The following ERBB4 variants were observed in gnomAD, a reference collection of about 807,000 sequenced individuals.
The protein encoded by ERBB4 is erb-b2 receptor tyrosine kinase 4.
ERBB4 carries 42 observed loss-of-function variants against 158.0 expected under a neutral mutation model. That is an observed-to-expected ratio of 0.27 (90% CI 0.21 to 0.34). The LOEUF (loss-of-function observed/expected upper bound fraction) is 0.34. ERBB4 is among the 10% of genes least tolerant of loss of function. The probability of loss-of-function intolerance (pLI) is 1.00; values close to 1 mark genes in which losing one functional copy is unlikely to be tolerated. For missense variants in ERBB4, 1,333 were observed against 1,624.1 expected (o/e 0.82, Z 3.08); for synonymous variants, 583 against 558.7 (o/e 1.04, Z -0.61).
In ERBB4 at chr2:212,530,433, C is replaced by A. The variant is rs990291143; in HGVS notation, c.82+8016G>T. Among the ~76,000 whole-genome samples, 5 of 152,106 alleles carry A rather than the reference C, an allele frequency of 3.3e-5. No homozygotes were observed. The East Asian group carries it at 9.6e-4, about 29-fold the overall frequency. On this transcript the variant is annotated intron_variant, in intron 1 of 27. Transcript: ENST00000342788. ...CATATTCTCACATTCTTTAAGCCTA[C>A]AGAGAAGGACAGGAAATAATGACAA...
chr2:211,559,459 T>C (rs2125715732), intron 20 of ERBB4, among the ~76,000 whole-genome samples: 1 of 152,362 alleles, frequency 6.6e-6, no homozygotes, highest in Middle Eastern at 3.4e-3. Context: ...GTGCCTGTTG[T>C]CCTGGCATAA....
chr2:212,085,663 G>C (rs1390343593), intron 2 of ERBB4, among the ~76,000 whole-genome samples: 3 of 151,846 alleles, frequency 2.0e-5, no homozygotes, highest in Non-Finnish European at 4.4e-5. Flanking sequence ...GAAACTTTGA[G>C]AGTTGAGACT....
At chr2:212,330,486 G>A (rs182629555) in intron 1 of ERBB4, among the ~76,000 whole-genome samples, 22 of 151,924 alleles carry the variant, frequency 1.4e-4, no homozygotes, top group South Asian at 4.1e-4. Context: ...GCATGGTGGC[G>A]GGTGCTTGTA....
At chr2:211,711,694 A>G (rs1163243681) in intron 9 of ERBB4, among the ~76,000 whole-genome samples, 2 of 152,218 alleles carry the variant, frequency 1.3e-5, no homozygotes, top group Non-Finnish European at 2.9e-5. Flanking sequence ...CTAATCCATT[A>G]GAAGTTTGAA....
At position 211,642,819 on chromosome 2, in the gene ERBB4, CTA is replaced by C. The variant is rs199694160; in HGVS notation, c.1947-12227_1947-12226del. ...TATCCAACAACAATCTCAGAGCTCC[CTA>C]TATGTTTTTAAACTTAACAAAAGCA... On this transcript the variant is annotated intron_variant, in intron 16 of 27. Transcript: ENST00000342788. Among the ~76,000 whole-genome samples the C allele has an allele frequency of 3.1e-3, 468 of 152,096 alleles. 3 individuals carry two copies. The highest frequency in any genetic ancestry group is 0.017 in the South Asian group (83 of 4,806).
chr2:212,513,225 A>G (rs929337071), intron 1 of ERBB4, among the ~76,000 whole-genome samples: 4 of 152,212 alleles, frequency 2.6e-5, no homozygotes, highest in Admixed American at 1.3e-4. Flanking sequence ...GGAAGTAGCC[A>G]CGCAATAAGT....
chr2:212,006,893 C>T (rs1176786353), intron 2 of ERBB4, among the ~76,000 whole-genome samples: 2 of 151,920 alleles, frequency 1.3e-5, no homozygotes, highest in Non-Finnish European at 2.9e-5. Context: ...TTTAACTTCA[C>T]TGAGATTGGG....
intron 1 of ERBB4, among the ~76,000 whole-genome samples, chr2:212,327,912 C>T (rs1292674302): frequency 2.6e-5 from 4 of 151,048 alleles, no homozygotes; most frequent in Non-Finnish European, 5.9e-5. Flanking sequence ...ACTCTTTCTG[C>T]TTTAATCACC....
intron 3 of ERBB4, among the ~76,000 whole-genome samples, chr2:211,825,413 GA>G (rs2077080466): frequency 6.6e-6 from 1 of 151,718 alleles, no homozygotes; most frequent in African/African-American, 2.4e-5. Flanking sequence ...ATAGCAAAAT[GA>G]ATTCAAGCTT....
chr2:212,029,496 T>G (rs2076851876), intron 2 of ERBB4, among the ~76,000 whole-genome samples: 1 of 152,178 alleles, frequency 6.6e-6, no homozygotes, highest in Admixed American at 6.6e-5. Flanking sequence ...GCTTGATATC[T>G]GTGTATGTTT....
chr2:211,954,941 GTA>G (rs1381931282), intron 2 of ERBB4, among the ~76,000 whole-genome samples: 1 of 152,020 alleles, frequency 6.6e-6, no homozygotes, highest in Admixed American at 6.6e-5. Context: ...TGTAGAGATA[GTA>G]TGTTTGCTTT....
intron 1 of ERBB4, among the ~76,000 whole-genome samples, chr2:212,206,303 G>A (rs1574431604): frequency 6.6e-6 from 1 of 152,184 alleles, no homozygotes; most frequent in Non-Finnish European, 1.5e-5. Context: ...ACTAGAATCA[G>A]GTTATCTGGG....
chr2:211,973,491 G>T (rs141039165), intron 2 of ERBB4, among the ~76,000 whole-genome samples: 1 of 152,060 alleles, frequency 6.6e-6, no homozygotes, highest in South Asian at 2.1e-4. Flanking sequence ...ATGAGCCACC[G>T]TGCCCAGCCG....
intron 1 of ERBB4, among the ~76,000 whole-genome samples, chr2:212,333,382 T>TAC (rs71908233): frequency 1.3e-5 from 2 of 151,134 alleles, no homozygotes; most frequent in Admixed American, 1.3e-4. Flanking sequence ...GCTTTAAATA[T>TAC]ATATATATAT....
At chr2:211,816,186 T>G (rs150192340) in intron 3 of ERBB4, among the ~76,000 whole-genome samples, 2 of 152,250 alleles carry the variant, frequency 1.3e-5, no homozygotes, top group African/African-American at 4.8e-5. Flanking sequence ...CTTAATACAG[T>G]GTACAATGCT....
chr2:212,336,036 T>C (rs1283951063), intron 1 of ERBB4, among the ~76,000 whole-genome samples: 1 of 152,020 alleles, frequency 6.6e-6, no homozygotes, highest in African/African-American at 2.4e-5. Context: ...GTATGTAGCA[T>C]TTCTCACACT....
At chr2:211,493,578 C>CAAAAACA (rs553900148) in intron 20 of ERBB4, among the ~76,000 whole-genome samples, 8 of 149,662 alleles carry the variant, frequency 5.3e-5, no homozygotes, top group Non-Finnish European at 1.2e-4. Context: ...AAAACAAAAA[C>CAAAAACA]AAAAAAAAAC....
chr2:211,516,687 T>C (rs966596724), intron 20 of ERBB4, among the ~76,000 whole-genome samples: 4 of 152,090 alleles, frequency 2.6e-5, no homozygotes, highest in African/African-American at 9.7e-5. Flanking sequence ...CTAAGAGGAA[T>C]TGAAACTAAA....
At position 211,383,592 on chromosome 2, in the gene ERBB4, C is replaced by A. The variant is rs2125307420; in HGVS notation, c.*23G>T. Reference sequence around the variant, plus strand: ...GGAAATTGGAGCAGGTGTGTCTCTCCACCTAAAAAACCACAACTGAGCTTA... The same window carrying A: ...GGAAATTGGAGCAGGTGTGTCTCTCAACCTAAAAAACCACAACTGAGCTTA... On this transcript the variant is annotated 3_prime_UTR_variant, in exon 28 of 28. Coordinates refer to ENST00000342788, the MANE Select transcript of ERBB4 (RefSeq NM_005235.3). 1 of 1,603,060 alleles carries A rather than the reference C, an allele frequency of 6.2e-7. No homozygotes were observed. The highest frequency in any genetic ancestry group is 1.1e-5 in the South Asian group (1 of 90,664).
Sources: gnomAD v4.1 joint callset for allele counts (sites outside exome capture counted in the v4.1 genomes callset) on GRCh38, gnomAD v4.1.1 for gene constraint, MANE v1.5 for transcripts, NCBI Gene and HGNC (gene_info 2026-07-23, HGNC 2026-07-21) for gene names.